Variants in VWC2L observed in about 807,000 individuals in gnomAD.
VWC2L encodes von Willebrand factor C domain-containing protein 2-like.
A neutral mutation model predicts 21.6 loss-of-function variants in VWC2L; 10 were observed. The ratio of observed to expected loss-of-function variants is 0.46; its 90% confidence interval spans 0.29 to 0.78. The LOEUF (loss-of-function observed/expected upper bound fraction) is 0.78. Ranked by LOEUF, VWC2L falls within the 30% of genes least tolerant of loss-of-function variation. VWC2L has a pLI of 0.10. For missense variants in VWC2L, 209 were observed against 277.1 expected, an observed-to-expected ratio of 0.75 and a Z score of 1.74; for synonymous variants, 96 against 94.3, an observed-to-expected ratio of 1.02 and a Z score of -0.10.
intron 3 of VWC2L, among the ~76,000 whole-genome samples, chr2:214,539,715 A>G (rs1443334334): frequency 1.3e-5 from 2 of 152,160 alleles, no homozygotes; most frequent in Non-Finnish European, 1.5e-5. Flanking sequence ...TTAACAGCTA[A>G]TATTTCAACA....
chr2:214,550,393 AT>A (rs1689774777), intron 3 of VWC2L, among the ~76,000 whole-genome samples: 1 of 152,150 alleles, frequency 6.6e-6, no homozygotes, highest in Admixed American at 6.5e-5. Context: ...CTCAATATTC[AT>A]TTATTATTTA....
intron 3 of VWC2L, among the ~76,000 whole-genome samples, chr2:214,525,914 G>A (rs1213603534): frequency 6.6e-6 from 1 of 152,096 alleles, no homozygotes; most frequent in Non-Finnish European, 1.5e-5. Flanking sequence ...TGGATAAAAA[G>A]TAGTACATAC....
rs1574551972 is a variant in VWC2L at position 214,414,741 on chromosome 2, C to T, written c.390+158C>T. 5.3e-6 allele frequency: 4 copies of T among 760,610 alleles called. No homozygotes were observed. In the East Asian group the frequency reaches 8.4e-5, roughly 16 times the overall value. 47.1% of individuals were successfully genotyped at this position (760,610 alleles called of 1,614,324 possible). A position where few individuals can be genotyped will look rare whatever the true frequency, so the allele number is the denominator to read the frequency against. The stretch of plus-strand genomic sequence containing the variant: ...TTACCATAAGTAGCACCATGGTCAA[C>T]AAATGGCCAACTGGTTTGTTGATCA... On this transcript the variant is annotated intron_variant, in intron 2 of 3. Transcript: ENST00000312504.
intron 2 of VWC2L, among the ~76,000 whole-genome samples, chr2:214,427,528 C>T (rs959550938): frequency 6.6e-6 from 1 of 152,116 alleles, no homozygotes; most frequent in Non-Finnish European, 1.5e-5. Context: ...AAATACTGTC[C>T]AATGCCATTC....
chr2:214,498,094 C>T (rs758548301), intron 3 of VWC2L, among the ~76,000 whole-genome samples: 36 of 152,088 alleles, frequency 2.4e-4, no homozygotes, highest in Non-Finnish European at 4.3e-4. Flanking sequence ...CATGAAAATC[C>T]AACCAGTCTG....
chr2:214,532,695 G>A (rs887752790), intron 3 of VWC2L, among the ~76,000 whole-genome samples: 1 of 152,070 alleles, frequency 6.6e-6, no homozygotes, highest in Non-Finnish European at 1.5e-5. Flanking sequence ...GTATTTATAA[G>A]CAAAAAACCT....
chr2:214,439,212 A>C (rs1188792431), intron 3 of VWC2L, among the ~76,000 whole-genome samples: 1 of 152,010 alleles, frequency 6.6e-6, no homozygotes, highest in East Asian at 1.9e-4. Context: ...GTTGGCTCTC[A>C]TTCTAAGCCT....
chr2:214,424,787 AT>A (rs1481766240), intron 2 of VWC2L, among the ~76,000 whole-genome samples: 3 of 152,216 alleles, frequency 2.0e-5, no homozygotes, highest in Non-Finnish European at 4.4e-5. Flanking sequence ...GCAGTTAATG[AT>A]GAAAATCTAT....
chr2:214,430,333 G>A (rs566001213), intron 2 of VWC2L, among the ~76,000 whole-genome samples: 34 of 152,164 alleles, frequency 2.2e-4, no homozygotes, highest in South Asian at 8.3e-4. Flanking sequence ...AAATCCAGTG[G>A]CTAGGTTTTC....
At chr2:214,412,025 CT>C (rs200948692) in intron 1 of VWC2L, among the ~76,000 whole-genome samples, 11 of 150,194 alleles carry the variant, frequency 7.3e-5, no homozygotes, top group African/African-American at 4.9e-5. Context: ...ATTATGAAGG[CT>C]TTTTTTTAAA....
At chr2:214,512,539 C>A (rs575737303) in intron 3 of VWC2L, among the ~76,000 whole-genome samples, 1 of 152,116 alleles carries the variant, frequency 6.6e-6, no homozygotes, top group South Asian at 2.1e-4. Context: ...CCTGCACACC[C>A]TGTACATATA....
chr2:214,417,130 A>C (rs1439502132), intron 2 of VWC2L, among the ~76,000 whole-genome samples: 4 of 152,174 alleles, frequency 2.6e-5, no homozygotes, highest in Non-Finnish European at 4.4e-5. Context: ...GTCATTAATT[A>C]TTAAAGATGC....
At chr2:214,554,288 C>T (rs1055091505) in intron 3 of VWC2L, among the ~76,000 whole-genome samples, 1 of 152,066 alleles carries the variant, frequency 6.6e-6, no homozygotes, top group Non-Finnish European at 1.5e-5. Flanking sequence ...ATTCTAAGCC[C>T]CTCAATTGAC....
At chr2:214,558,531 A>C (rs906027803) in intron 3 of VWC2L, among the ~76,000 whole-genome samples, 4 of 152,180 alleles carry the variant, frequency 2.6e-5, no homozygotes, top group Non-Finnish European at 4.4e-5. Flanking sequence ...CTTATTCCAC[A>C]CATTCAGTCT....
intron 3 of VWC2L, among the ~76,000 whole-genome samples, chr2:214,574,090 C>A (rs1690192549): frequency 6.6e-6 from 1 of 152,104 alleles, no homozygotes; most frequent in Non-Finnish European, 1.5e-5. Context: ...TGCAGTGAGC[C>A]AAGATTGCGC....
chr2:214,467,167 C>G (rs915335278), intron 3 of VWC2L, among the ~76,000 whole-genome samples: 1 of 152,146 alleles, frequency 6.6e-6, no homozygotes, highest in African/African-American at 2.4e-5. Context: ...AAGTAGTATA[C>G]CCAATACTCT....
At chr2:214,520,590 T>C (rs1192288656) in intron 3 of VWC2L, among the ~76,000 whole-genome samples, 1 of 152,152 alleles carries the variant, frequency 6.6e-6, no homozygotes, top group African/African-American at 2.4e-5. Context: ...TTTCCCAAAT[T>C]GCTTTCCAGA....
chr2:214,561,809 T>TATATATATATATATATATATATCTATAC (rs1489588765), intron 3 of VWC2L, among the ~76,000 whole-genome samples: 1 of 127,228 alleles, frequency 7.9e-6, no homozygotes, highest in African/African-American at 3.5e-5. Context: ...TATATATATA[T>TATATATATATATATATATATATCTATAC]ACACACACAT....
At chr2:214,470,327 G>A (rs73987338) in intron 3 of VWC2L, among the ~76,000 whole-genome samples, 9,914 of 151,878 alleles carry the variant, frequency 0.065, 1,036 homozygotes, top group African/African-American at 0.23. Context: ...CTCATTCTCG[G>A]GGTCCCATGG....
Sources: allele counts gnomAD v4.1 joint callset (sites outside exome capture counted in the v4.1 genomes callset), GRCh38; gene constraint gnomAD v4.1.1; transcripts MANE v1.5; gene names NCBI Gene and HGNC (gene_info 2026-07-23, HGNC 2026-07-21).